The following SERGEF variants were observed in gnomAD, a reference collection of about 807,000 sequenced individuals.
SERGEF encodes the protein secretion regulating guanine nucleotide exchange factor, also known as secretion-regulating guanine nucleotide exchange factor.
Under a neutral mutation model 50.0 loss-of-function variants are expected in SERGEF, and 51 were observed. That is an observed-to-expected ratio of 1.02 (90% CI 0.81 to 1.29). The LOEUF (loss-of-function observed/expected upper bound fraction) is 1.29, where lower values mean the gene tolerates loss of function less well. SERGEF is among the 50% of genes most tolerant of loss of function. SERGEF has a pLI of 0.00. For synonymous variants in SERGEF, 205 were observed against 212.4 expected, an observed-to-expected ratio of 0.97 and a Z score of 0.30; for missense variants, 521 against 557.0, an observed-to-expected ratio of 0.94 and a Z score of 0.65.
chr11:17,815,436 T>TAAAAAAAAAA (rs763972184), intron 10 of SERGEF, among the ~76,000 whole-genome samples: 3 of 108,338 alleles, frequency 2.8e-5, no homozygotes, highest in Admixed American at 1.0e-4. Flanking sequence ...CCATCTCTAC[T>TAAAAAAAAAA]AAAAAAAAAA....
intron 10 of SERGEF, among the ~76,000 whole-genome samples, chr11:17,818,489 C>G (rs1367325679): frequency 6.6e-6 from 1 of 152,142 alleles, no homozygotes; most frequent in Non-Finnish European, 1.5e-5. Flanking sequence ...TTATATCCAT[C>G]ACACAGATAA....
intron 6 of SERGEF, among the ~76,000 whole-genome samples, chr11:17,994,408 G>A (rs781707488): frequency 4.8e-5 from 7 of 145,182 alleles, no homozygotes; most frequent in Non-Finnish European, 8.9e-5. Context: ...CCCGGGAGGC[G>A]GACCTAGCAG....
At chr11:17,983,020 T>C (rs1853522552) in intron 8 of SERGEF, among the ~76,000 whole-genome samples, 1 of 152,214 alleles carries the variant, frequency 6.6e-6, no homozygotes, top group East Asian at 1.9e-4. Flanking sequence ...CATCATTGAT[T>C]CTCTAAAACT....
intron 10 of SERGEF, among the ~76,000 whole-genome samples, chr11:17,831,227 ATT>A (rs1490357724): frequency 6.6e-6 from 1 of 152,212 alleles, no homozygotes; most frequent in African/African-American, 2.4e-5. Context: ...AGAAACCCAC[ATT>A]TTAATATTCC....
At chr11:17,819,321 A>G (rs1379384097) in intron 10 of SERGEF, among the ~76,000 whole-genome samples, 1 of 152,252 alleles carries the variant, frequency 6.6e-6, no homozygotes, top group Non-Finnish European at 1.5e-5. Context: ...TGAGGACTCC[A>G]AGGCTGCAGA....
intron 10 of SERGEF, among the ~76,000 whole-genome samples, chr11:17,803,635 G>T (rs879818830): frequency 2.0e-5 from 3 of 152,190 alleles, no homozygotes; most frequent in Non-Finnish European, 4.4e-5. Flanking sequence ...CTGGACACTT[G>T]TTCCCTTCCC....
At chr11:17,916,752 A>G (rs1852055793) in intron 9 of SERGEF, among the ~76,000 whole-genome samples, 2 of 152,254 alleles carry the variant, frequency 1.3e-5, no homozygotes, top group African/African-American at 4.8e-5. Context: ...TAGTTACTCT[A>G]TGGACATGTA....
At chr11:17,955,310 T>C (rs544177740) in intron 9 of SERGEF, among the ~76,000 whole-genome samples, 1 of 152,344 alleles carries the variant, frequency 6.6e-6, no homozygotes, top group South Asian at 2.1e-4. Flanking sequence ...CTTACATACC[T>C]GGAAGTTCTT....
intron 10 of SERGEF, among the ~76,000 whole-genome samples, chr11:17,816,565 C>T (rs554416963): frequency 9.2e-5 from 14 of 152,348 alleles, no homozygotes; most frequent in African/African-American, 2.2e-4. Context: ...ACAGTACTCC[C>T]CAACGTGTTT....
chr11:17,965,044 A>G (rs1853089599), intron 8 of SERGEF, among the ~76,000 whole-genome samples: 1 of 152,224 alleles, frequency 6.6e-6, no homozygotes. Context: ...CTGCTCCTCC[A>G]CAAGGCCTCT....
At chr11:17,861,523 G>A (rs1302765303) in intron 10 of SERGEF, among the ~76,000 whole-genome samples, 2 of 152,232 alleles carry the variant, frequency 1.3e-5, no homozygotes, top group African/African-American at 2.4e-5. Context: ...TGTACAGTAG[G>A]GATTGTACTT....
intron 10 of SERGEF, among the ~76,000 whole-genome samples, chr11:17,848,926 T>C (rs528658296): frequency 6.6e-6 from 1 of 152,328 alleles, no homozygotes; most frequent in Non-Finnish European, 1.5e-5. Flanking sequence ...GTCCAGATTA[T>C]ACAGTCGAAT....
chr11:17,851,148 C>T (rs2133872306), intron 10 of SERGEF, among the ~76,000 whole-genome samples: 1 of 152,326 alleles, frequency 6.6e-6, no homozygotes, highest in Non-Finnish European at 1.5e-5. Flanking sequence ...TGTGCTGGCC[C>T]TGTGCTGAGG....
At chr11:17,990,464 C>T (rs1014753699) in intron 7 of SERGEF, among the ~76,000 whole-genome samples, 5 of 152,170 alleles carry the variant, frequency 3.3e-5, no homozygotes, top group Non-Finnish European at 7.3e-5. Context: ...TACAAGATAG[C>T]AAAGAAGCCC....
intron 3 of SERGEF, among the ~76,000 whole-genome samples, chr11:18,005,362 T>TG (rs1255537132): frequency 6.6e-6 from 1 of 152,168 alleles, no homozygotes; most frequent in African/African-American, 2.4e-5. Context: ...GTTTTAAAGC[T>TG]GGGATTCGAG....
At chr11:17,914,792 A>G (rs1264827191) in intron 9 of SERGEF, among the ~76,000 whole-genome samples, 1 of 152,154 alleles carries the variant, frequency 6.6e-6, no homozygotes, top group African/African-American at 2.4e-5. Context: ...AAAGTATTTT[A>G]TTGAGGGTTA....
intron 9 of SERGEF, among the ~76,000 whole-genome samples, chr11:17,921,055 T>C (rs1852146618): frequency 6.6e-6 from 1 of 152,172 alleles, no homozygotes; most frequent in Admixed American, 6.5e-5. Context: ...ACATAATCCA[T>C]ACATCACAAG....
At chr11:17,793,312 GA>G (rs569792800) in intron 10 of SERGEF, among the ~76,000 whole-genome samples, 1 of 151,108 alleles carries the variant, frequency 6.6e-6, no homozygotes, top group South Asian at 2.1e-4. Flanking sequence ...AAGCCTATAG[GA>G]AAAAAAAAGC....
intron 1 of SERGEF, 176 bp downstream of exon 1, chr11:18,012,775 C>T (rs1854224187): frequency 5.0e-6 from 4 of 792,378 alleles, no homozygotes; most frequent in South Asian, 1.5e-5. Context: ...ACCCTTCCTT[C>T]CCCGCCCGCC....
Sources: allele counts gnomAD v4.1 joint callset (sites outside exome capture counted in the v4.1 genomes callset), GRCh38; gene constraint gnomAD v4.1.1; transcripts MANE v1.5; gene names NCBI Gene and HGNC (gene_info 2026-07-23, HGNC 2026-07-21).